NOVA1: variants seen among roughly 807,000 people sequenced by gnomAD.
The protein encoded by NOVA1 is RNA-binding protein Nova-1.
Under a neutral mutation model 38.0 loss-of-function variants are expected in NOVA1, and 7 were observed. The observed-to-expected ratio is 0.18, with a 90% CI of 0.10 to 0.35. The LOEUF is 0.35. Among genes scored for constraint, NOVA1 ranks in the 10% least tolerant of loss-of-function variants. The pLI, the probability that NOVA1 is intolerant of heterozygous loss-of-function variation, is 1.00. For missense variants in NOVA1, 460 were observed against 616.0 expected, an observed-to-expected ratio of 0.75 and a Z score of 2.68; for synonymous variants, 270 against 232.5, an observed-to-expected ratio of 1.16 and a Z score of -1.47.
intron 2 of NOVA1, 147 bp downstream of exon 2, chr14:26,595,263 A>T (rs910704778): frequency 1.9e-5 from 13 of 680,542 alleles, no homozygotes; most frequent in Non-Finnish European, 2.8e-5. Context: ...TAATCTGAAA[A>T]TTTTTCCACA....
chr14:26,481,370 A>G (rs1885435558), intron 2 of NOVA1, among the ~76,000 whole-genome samples: 1 of 152,102 alleles, frequency 6.6e-6, no homozygotes, highest in African/African-American at 2.4e-5. Flanking sequence ...ATATTTAAAA[A>G]GTCATAAGGA....
Position 26,584,564 on chromosome 14 carries a change from T to A in NOVA1, c.280+10846A>T, listed in dbSNP as rs537364586. Reference sequence around the variant, plus strand: ...AGATTGTCTCTTACCTGTACAGATATCTATAGTGCCTCCTACCACCACTGA... The same window carrying A: ...AGATTGTCTCTTACCTGTACAGATAACTATAGTGCCTCCTACCACCACTGA... On this transcript the variant is annotated intron_variant, in intron 2 of 4. Coordinates refer to ENST00000539517, the MANE Select transcript of NOVA1 (RefSeq NM_002515.3). Among the ~76,000 whole-genome samples the A allele has an allele frequency of 8.6e-4, 131 of 151,490 alleles. 2 individuals carry two copies. Among genetic ancestry groups the A allele is most frequent in the Non-Finnish European group, 4.4e-4 (30 of 67,510 alleles).
chr14:26,594,181 C>G (rs1023166224), intron 2 of NOVA1: 28 of 151,898 alleles, frequency 1.8e-4, no homozygotes, highest in South Asian at 1.7e-3. Context: ...AACATCGTGT[C>G]TAATATATTA....
At chr14:26,500,780 T>C (rs1662490360) in intron 2 of NOVA1, among the ~76,000 whole-genome samples, 1 of 151,970 alleles carries the variant, frequency 6.6e-6, no homozygotes, top group Non-Finnish European at 1.5e-5. Flanking sequence ...TTAAGATAAG[T>C]TGAAGATACA....
At chr14:26,453,446 CA>C (rs1320208981) in intron 4 of NOVA1, among the ~76,000 whole-genome samples, 2 of 151,484 alleles carry the variant, frequency 1.3e-5, no homozygotes, top group Admixed American at 6.6e-5. Context: ...GTTATTTATC[CA>C]AAAAAAGATA....
chr14:26,476,588 T>C (rs1224810017), intron 3 of NOVA1, among the ~76,000 whole-genome samples: 1 of 152,190 alleles, frequency 6.6e-6, no homozygotes, highest in Admixed American at 6.5e-5. Flanking sequence ...AGTGTTTTTC[T>C]TTCTTCTACT....
intron 4 of NOVA1, among the ~76,000 whole-genome samples, chr14:26,463,442 T>C (rs1883863476): frequency 6.6e-6 from 1 of 152,186 alleles, no homozygotes; most frequent in Non-Finnish European, 1.5e-5. Context: ...CCAATTTCCC[T>C]GATGACTGGT....
intron 2 of NOVA1, among the ~76,000 whole-genome samples, chr14:26,556,482 C>A (rs915149376): frequency 2.0e-5 from 3 of 152,122 alleles, no homozygotes; most frequent in Non-Finnish European, 4.4e-5. Context: ...AAAAACTAAT[C>A]TAAATACAAA....
intron 2 of NOVA1, among the ~76,000 whole-genome samples, chr14:26,522,159 A>G (rs1002326713): frequency 1.3e-5 from 2 of 152,164 alleles, no homozygotes; most frequent in African/African-American, 4.8e-5. Flanking sequence ...CTATAGAATT[A>G]TAATAGATTT....
intron 2 of NOVA1, among the ~76,000 whole-genome samples, chr14:26,531,960 ACC>A (rs1428710824): frequency 1.3e-5 from 2 of 152,278 alleles, no homozygotes; most frequent in East Asian, 1.9e-4. Context: ...GCACATGAAA[ACC>A]CACTAAGAAA....
Position 26,447,898 on chromosome 14 carries a change from C to A in NOVA1, c.*61G>T. The A allele has an allele frequency of 7.4e-7, 1 of 1,360,174 alleles. No homozygotes were observed. The highest frequency in any genetic ancestry group is 1.0e-6 in the Non-Finnish European group (1 of 958,232). The allele number at this position is 1,360,174 out of a possible 1,614,324, so 84.3% of individuals were successfully genotyped here. ...AACTTCACTTCTGCAAAGTACAGTA[C>A]ATCCTTCTTGAAAATGGGGTAAAGG... On this transcript the variant is annotated 3_prime_UTR_variant, in exon 5 of 5. Coordinates refer to ENST00000539517, the MANE Select transcript of NOVA1 (RefSeq NM_002515.3).
intron 2 of NOVA1, among the ~76,000 whole-genome samples, chr14:26,589,345 C>A (rs1331957244): frequency 6.6e-6 from 1 of 151,666 alleles, no homozygotes; most frequent in Admixed American, 6.6e-5. Flanking sequence ...AAAGTCAATA[C>A]TTCAAACAGA....
chr14:26,482,787 A>T (rs541359691), intron 2 of NOVA1, among the ~76,000 whole-genome samples: 1 of 152,208 alleles, frequency 6.6e-6, no homozygotes, highest in African/African-American at 2.4e-5. Context: ...AGCCTCGACC[A>T]CCTGGGCTCA....
In NOVA1 at chr14:26,505,847, T is replaced by C. The variant is rs1297121455; in HGVS notation, c.281-25704A>G. ...CACTGTAAATAATTAAAACATAGTG[T>C]TTGAAATATTTTATTCCATTTTGTA... On this transcript the variant is annotated intron_variant, in intron 2 of 4. Coordinates refer to ENST00000539517, the MANE Select transcript of NOVA1 (RefSeq NM_002515.3). 2.6e-5 allele frequency among the ~76,000 whole-genome samples: 4 copies of C among 152,158 alleles called. No homozygotes were observed. In the East Asian group the frequency reaches 5.8e-4, roughly 22 times the overall value.
At chr14:26,509,044 T>C (rs1887856966) in intron 2 of NOVA1, among the ~76,000 whole-genome samples, 1 of 152,174 alleles carries the variant, frequency 6.6e-6, no homozygotes, top group East Asian at 1.9e-4. Context: ...CTAACTGCAG[T>C]AGTGTTTCTC....
rs140840631 is a variant in NOVA1 at position 26,550,330 on chromosome 14, C to T, written c.280+45080G>A. ...TTTTTAAAAAGTTATTCTGAAATTC[C>T]GAATTACTTTATATTTGAAAAAGAA... On this transcript the variant is annotated intron_variant, in intron 2 of 4. Coordinates refer to ENST00000539517, the MANE Select transcript of NOVA1 (RefSeq NM_002515.3). Among the ~76,000 whole-genome samples, 1,474 of 152,094 alleles carry T rather than the reference C, an allele frequency of 9.7e-3. 22 individuals carry two copies. Among genetic ancestry groups the T allele is most frequent in the African/African-American group, 0.034 (1,402 of 41,478 alleles).
intron 2 of NOVA1, among the ~76,000 whole-genome samples, chr14:26,481,629 T>C (rs543568373): frequency 6.6e-6 from 1 of 152,122 alleles, no homozygotes. Context: ...AGACCATGTA[T>C]ATGGCTTTCA....
intron 2 of NOVA1, among the ~76,000 whole-genome samples, chr14:26,498,112 T>C (rs1366671749): frequency 6.6e-6 from 1 of 151,934 alleles, no homozygotes; most frequent in Non-Finnish European, 1.5e-5. Context: ...CAGGCTGGAG[T>C]GTAGTGGTGC....
intron 2 of NOVA1, among the ~76,000 whole-genome samples, chr14:26,504,289 T>C (rs956480128): frequency 5.3e-5 from 8 of 152,174 alleles, no homozygotes; most frequent in Non-Finnish European, 8.8e-5. Flanking sequence ...CCATGAAATG[T>C]ATACTTAACG....
Sources: allele counts gnomAD v4.1 joint callset (sites outside exome capture counted in the v4.1 genomes callset), GRCh38; gene constraint gnomAD v4.1.1; transcripts MANE v1.5; gene names NCBI Gene and HGNC (gene_info 2026-07-23, HGNC 2026-07-21).